Variants in SLC24A2 observed in about 807,000 individuals in gnomAD.
SLC24A2 encodes the protein solute carrier family 24 member 2, also known as sodium/potassium/calcium exchanger 2.
In SLC24A2, 36 loss-of-function variants were observed where a neutral mutation model predicts 62.0. The observed-to-expected ratio is 0.58, with a 90% CI of 0.44 to 0.77. The LOEUF is 0.77. Among genes scored for constraint, SLC24A2 ranks in the 30% least tolerant of loss-of-function variants. The pLI, the probability that SLC24A2 is intolerant of heterozygous loss-of-function variation, is 0.00. For missense variants in SLC24A2, 846 were observed against 817.9 expected, an observed-to-expected ratio of 1.03 and a Z score of -0.42; for synonymous variants, 358 against 294.0, an observed-to-expected ratio of 1.22 and a Z score of -2.23.
At chr9:19,932,464 G>A in the SLC24A2 span, among the ~76,000 whole-genome samples, 1 of 152,144 alleles carries the variant, frequency 6.6e-6, no homozygotes. Flanking sequence ...AGCAGCTGTA[G>A]CCAAAAAAAC....
the SLC24A2 span, among the ~76,000 whole-genome samples, chr9:20,239,093 G>A: frequency 6.6e-6 from 1 of 152,202 alleles, no homozygotes; most frequent in Non-Finnish European, 1.5e-5. Context: ...CACTCAGTCT[G>A]TGGCATTGTT....
At chr9:20,223,709 G>A in the SLC24A2 span, among the ~76,000 whole-genome samples, 1 of 152,252 alleles carries the variant, frequency 6.6e-6, no homozygotes, top group East Asian at 1.9e-4. Flanking sequence ...AGTGGATGTG[G>A]CTTACAAATT....
intron 2 of SLC24A2, among the ~76,000 whole-genome samples, chr9:19,662,283 C>A (rs1399053547): frequency 6.6e-6 from 1 of 152,160 alleles, no homozygotes; most frequent in Non-Finnish European, 1.5e-5. Flanking sequence ...CTTTTTTCAG[C>A]ATCAGCTTTC....
the SLC24A2 span, among the ~76,000 whole-genome samples, chr9:20,085,468 G>C: frequency 2.0e-5 from 3 of 152,344 alleles, no homozygotes; most frequent in African/African-American, 7.2e-5. Context: ...CTTCCAAATA[G>C]AAATGTTCTC....
the SLC24A2 span, among the ~76,000 whole-genome samples, chr9:20,123,983 G>A: frequency 1.3e-5 from 2 of 152,110 alleles, no homozygotes; most frequent in Non-Finnish European, 2.9e-5. Flanking sequence ...CCCTATTCCT[G>A]ATTATTAGGC....
At chr9:19,720,076 G>T (rs989569218) in intron 2 of SLC24A2, among the ~76,000 whole-genome samples, 9 of 152,162 alleles carry the variant, frequency 5.9e-5, no homozygotes, top group African/African-American at 2.2e-4. Context: ...AACCGGAAAG[G>T]CTATGTTGCT....
intron 2 of SLC24A2, among the ~76,000 whole-genome samples, chr9:19,775,094 A>G (rs147650897): frequency 6.6e-6 from 1 of 152,336 alleles, no homozygotes; most frequent in East Asian, 1.9e-4. Flanking sequence ...CTGATGCAAA[A>G]TTGTGACTGC....
chr9:19,781,576 G>A (rs866919220), intron 2 of SLC24A2, among the ~76,000 whole-genome samples: 38 of 152,250 alleles, frequency 2.5e-4, no homozygotes, highest in Admixed American at 1.8e-3. Context: ...AGTAACTGAC[G>A]GGTTTACTTT....
chr9:19,599,148 T>C lies in SLC24A2; in HGVS notation c.1079-1869A>G, dbSNP rs932011551. ...ATCTGCTTGTGGCAGATGATATTAC[T>C]CCTCACCTCATCTCTTGCAGAATCA... On this transcript the variant is annotated intron_variant, in intron 4 of 10. Transcript: ENST00000341998. This position sits in a 1 kb window ranked among gnomAD's most constrained non-coding sequence, Gnocchi z 4.5. Among the ~76,000 whole-genome samples, 2 of 152,228 alleles carry C rather than the reference T, an allele frequency of 1.3e-5. No individual in the cohort carries two copies. The highest frequency in any genetic ancestry group is 4.8e-5 in the African/African-American group (2 of 41,464).
At chr9:19,569,894 G>A (rs1009382742) in intron 7 of SLC24A2, among the ~76,000 whole-genome samples, 10 of 152,102 alleles carry the variant, frequency 6.6e-5, no homozygotes, top group Admixed American at 2.6e-4. Context: ...CTGTTCCTTT[G>A]GCTGGCTCCT....
the SLC24A2 span, among the ~76,000 whole-genome samples, chr9:20,011,875 G>C: frequency 1.3e-5 from 2 of 152,286 alleles, no homozygotes; most frequent in South Asian, 2.1e-4. Context: ...GGAATTCAAA[G>C]ATGGCTCAAC....
intron 7 of SLC24A2, among the ~76,000 whole-genome samples, chr9:19,569,201 C>T (rs146709336): frequency 9.3e-4 from 142 of 152,218 alleles, no homozygotes; most frequent in African/African-American, 3.4e-3. Flanking sequence ...GCTATTGCTT[C>T]CTGTTTAAAA....
the SLC24A2 span, among the ~76,000 whole-genome samples, chr9:19,808,040 G>T: frequency 6.6e-6 from 1 of 152,176 alleles, no homozygotes; most frequent in Non-Finnish European, 1.5e-5. This position sits in a 1 kb window ranked among gnomAD's most constrained non-coding sequence, Gnocchi z 4.1. Flanking sequence ...CATTTGTGGG[G>T]AAAGATAGAT....
the SLC24A2 span, among the ~76,000 whole-genome samples, chr9:20,077,480 T>C: frequency 1.3e-5 from 2 of 152,152 alleles, no homozygotes; most frequent in Non-Finnish European, 2.9e-5. Flanking sequence ...CCAGAGGCAG[T>C]TGTGTTCTAC....
At chr9:19,553,957 C>G (rs907544007) in intron 7 of SLC24A2, among the ~76,000 whole-genome samples, 1 of 152,088 alleles carries the variant, frequency 6.6e-6, no homozygotes, top group Non-Finnish European at 1.5e-5. Flanking sequence ...CCTTCCTTCT[C>G]CCCCACCCAA....
the SLC24A2 span, among the ~76,000 whole-genome samples, chr9:19,935,450 A>T: frequency 3.9e-5 from 6 of 152,154 alleles, no homozygotes; most frequent in Non-Finnish European, 7.4e-5. Flanking sequence ...GTTGAAAGGG[A>T]GTGGGTAGAT....
the SLC24A2 span, among the ~76,000 whole-genome samples, chr9:19,838,524 A>AG: frequency 6.6e-6 from 1 of 151,776 alleles, no homozygotes; most frequent in Non-Finnish European, 1.5e-5. Context: ...CTGTAATCCC[A>AG]GCTACTTGGG....
chr9:19,559,813 C>T (rs895750667), intron 7 of SLC24A2, among the ~76,000 whole-genome samples: 1 of 152,204 alleles, frequency 6.6e-6, no homozygotes, highest in African/African-American at 2.4e-5. Context: ...GTTTCCTAAA[C>T]ATATTGCCTA....
the SLC24A2 span, among the ~76,000 whole-genome samples, chr9:20,170,940 G>A: frequency 3.6e-4 from 54 of 151,938 alleles, no homozygotes; most frequent in South Asian, 0.011. Flanking sequence ...ATTAAGAAGA[G>A]GAAAAGAATC....
Sources: allele counts gnomAD v4.1 joint callset (sites outside exome capture counted in the v4.1 genomes callset), GRCh38; gene constraint gnomAD v4.1.1; non-coding constraint Gnocchi (gnomAD v3.1); transcripts MANE v1.5; gene names NCBI Gene and HGNC (gene_info 2026-07-23, HGNC 2026-07-21).